The following LMO7 variants were observed in gnomAD, a reference collection of about 807,000 sequenced individuals.
LMO7 encodes the protein LIM domain only protein 7.
In LMO7, 120 loss-of-function variants were observed where a neutral mutation model predicts 206.5. The observed-to-expected ratio is 0.58, with a 90% CI of 0.50 to 0.68. The LOEUF (loss-of-function observed/expected upper bound fraction) is 0.68, where lower values mean the gene tolerates loss of function less well. Ranked by LOEUF, LMO7 falls within the 30% of genes least tolerant of loss-of-function variation. The pLI is 0.00. For missense variants in LMO7, 1,959 were observed against 1,957.9 expected (o/e 1.00, Z -0.01); for synonymous variants, 706 against 681.5 (o/e 1.04, Z -0.56).
At chr13:75,721,351 T>C (rs927944345) in intron 2 of LMO7, among the ~76,000 whole-genome samples, 1 of 152,130 alleles carries the variant, frequency 6.6e-6, no homozygotes, top group Non-Finnish European at 1.5e-5. Context: ...ACCTATGAAA[T>C]GCCAGGTTTT....
chr13:75,802,421 C>T (rs190891533), intron 7 of LMO7, among the ~76,000 whole-genome samples: 1 of 152,254 alleles, frequency 6.6e-6, no homozygotes, highest in Admixed American at 6.5e-5. Context: ...AAATTCTGAA[C>T]CCGCTGTATT....
chr13:75,750,876 C>G (rs1025199989), intron 3 of LMO7, among the ~76,000 whole-genome samples: 1 of 152,150 alleles, frequency 6.6e-6, no homozygotes, highest in African/African-American at 2.4e-5. Context: ...TGAGGGATGG[C>G]TGTGTGACTC....
At position 75,675,888 on chromosome 13, in the gene LMO7, GCA is replaced by G. The variant is rs3036374; in HGVS notation, c.70-37266_70-37265del. Among the ~76,000 whole-genome samples the G allele has an allele frequency of 6.1e-3, 925 of 150,684 alleles. 16 individuals are homozygous for G. In the East Asian group the frequency reaches 0.062, roughly 10 times the overall value. ...CCTTGTAAAACGCGTGCACGAGCGT[GCA>G]CACACACACACACACACACACACAC... On this transcript the variant is annotated intron_variant, in intron 1 of 30. Coordinates refer to ENST00000377534, the MANE Select transcript of LMO7 (RefSeq NM_001306080.2).
intron 3 of LMO7, among the ~76,000 whole-genome samples, chr13:75,727,505 T>C (rs956458660): frequency 6.6e-6 from 1 of 151,968 alleles, no homozygotes; most frequent in Non-Finnish European, 1.5e-5. Context: ...ATGTTTCCTA[T>C]TTTCTCCTGT....
rs751760849 is a variant in LMO7 at position 75,760,773 on chromosome 13, A to G, written c.211-159A>G. On this transcript the variant is annotated intron_variant, in intron 3 of 30. Transcript: ENST00000377534. ...AGGACTGAAAGGCTGTACAAGCCCT[A>G]TGTATTTTTTTTCAAATATACATAT... 188 of 1,538,946 alleles carry G rather than the reference A, an allele frequency of 1.2e-4. 1 individual carries two copies. In the Middle Eastern group the frequency reaches 1.5e-3, roughly 12 times the overall value.
chr13:75,695,002 C>T (rs2041798343), intron 1 of LMO7, among the ~76,000 whole-genome samples: 1 of 152,146 alleles, frequency 6.6e-6, no homozygotes, highest in Non-Finnish European at 1.5e-5. Context: ...CCCGGGCCCT[C>T]CTGCCTCCCA....
At chr13:75,657,555 G>A (rs1340371836) in intron 1 of LMO7, among the ~76,000 whole-genome samples, 1 of 152,118 alleles carries the variant, frequency 6.6e-6, no homozygotes, top group Non-Finnish European at 1.5e-5. Flanking sequence ...CCAGATCCCT[G>A]CCAAGTAGAA....
At chr13:75,629,068 T>C (rs1207080632) in intron 2 of LMO7, among the ~76,000 whole-genome samples, 1 of 152,232 alleles carries the variant, frequency 6.6e-6, no homozygotes, top group Non-Finnish European at 1.5e-5. Flanking sequence ...TGCTGGCTTC[T>C]AGTGGGTAGG....
chr13:75,808,120 A>G lies in LMO7; in HGVS notation c.1837A>G (p.Ser613Gly). 6.2e-7 allele frequency: 1 copy of G among 1,613,932 alleles called. No individual in the cohort carries two copies. The highest frequency in any genetic ancestry group is 8.5e-7 in the Non-Finnish European group (1 of 1,179,854). ...PPISFTPGPCSEADLKRWEAI... is the reference protein window; with the variant it reads ...PPISFTPGPCGEADLKRWEAI... ...CATCAGTTTCACCCCTGGCCCCTGC[A>G]GTGAGGCTGACTTGAAGAGATGGGA... The change falls in exon 10 of 31, where the codon AGT becomes GGT. Residue 613 changes from serine (S) to glycine (G), a missense_variant. Coordinates refer to ENST00000377534, the MANE Select transcript of LMO7 (RefSeq NM_001306080.2).
intron 13 of LMO7, among the ~76,000 whole-genome samples, chr13:75,819,740 A>G (rs2057393248): frequency 6.6e-6 from 1 of 152,236 alleles, no homozygotes; most frequent in Non-Finnish European, 1.5e-5. Context: ...GTAACAAAAT[A>G]AATGAGGACT....
intron 3 of LMO7, chr13:75,760,526 T>A (rs1471862200): frequency 7.8e-7 from 1 of 1,277,296 alleles, no homozygotes; most frequent in Non-Finnish European, 9.9e-7. Context: ...GGTGGGTGAA[T>A]GTCAGTAGCT....
intron 1 of LMO7, among the ~76,000 whole-genome samples, chr13:75,668,494 G>A (rs1461339624): frequency 6.6e-6 from 1 of 152,170 alleles, no homozygotes; most frequent in Admixed American, 6.5e-5. Flanking sequence ...GAAGGCAGGT[G>A]AGACAGTGAG....
At chr13:75,681,633 G>T (rs1842719023) in intron 1 of LMO7, among the ~76,000 whole-genome samples, 1 of 147,104 alleles carries the variant, frequency 6.8e-6, no homozygotes, top group South Asian at 2.2e-4. Flanking sequence ...GGCAACCCCT[G>T]ATCTGCTTTT....
At chr13:75,668,165 G>T (rs1045053273) in intron 1 of LMO7, among the ~76,000 whole-genome samples, 4 of 152,124 alleles carry the variant, frequency 2.6e-5, no homozygotes, top group Non-Finnish European at 5.9e-5. Context: ...CCAAGATTGC[G>T]CCACTACACC....
chr13:75,832,996 C>G, intron 15 of LMO7, 55 bp from the exon 16 acceptor site: 3 of 927,480 alleles, frequency 3.2e-6, no homozygotes, highest in Non-Finnish European at 3.6e-6. Context: ...GATAGACTTT[C>G]CTCCATGTGG....
intron 3 of LMO7, among the ~76,000 whole-genome samples, chr13:75,755,558 C>A (rs1439938506): frequency 6.6e-6 from 1 of 152,166 alleles, no homozygotes; most frequent in Non-Finnish European, 1.5e-5. Flanking sequence ...TCCCTAATTT[C>A]AATGACTACC....
At chr13:75,721,159 T>C (rs762728127) in intron 2 of LMO7, among the ~76,000 whole-genome samples, 6 of 152,182 alleles carry the variant, frequency 3.9e-5, no homozygotes, top group Non-Finnish European at 8.8e-5. Flanking sequence ...AACAAAAAAA[T>C]ACTAGGGAGG....
intron 1 of LMO7, among the ~76,000 whole-genome samples, chr13:75,663,288 T>C (rs904834658): frequency 6.6e-6 from 1 of 151,904 alleles, no homozygotes; most frequent in South Asian, 2.1e-4. Context: ...CTAATGCTCC[T>C]GTGATATTTT....
At chr13:75,839,051 T>C (rs185580509) in intron 20 of LMO7, among the ~76,000 whole-genome samples, 2 of 152,372 alleles carry the variant, frequency 1.3e-5, no homozygotes, top group Non-Finnish European at 2.9e-5. Context: ...TTGTGTATTT[T>C]GTGTTAATCA....
Sources: gnomAD v4.1 joint callset for allele counts (sites outside exome capture counted in the v4.1 genomes callset) on GRCh38, gnomAD v4.1.1 for gene constraint, MANE v1.5 for transcripts, NCBI Gene and HGNC (gene_info 2026-07-23, HGNC 2026-07-21) for gene names.